The following SLC25A26 variants were observed in gnomAD, a reference collection of about 807,000 sequenced individuals.
The protein encoded by SLC25A26 is solute carrier family 25 member 26.
SLC25A26 carries 36 observed loss-of-function variants against 37.8 expected under a neutral mutation model. The observed-to-expected ratio is 0.95, with a 90% confidence interval of 0.73 to 1.26. The LOEUF (loss-of-function observed/expected upper bound fraction) is 1.26. Ranked by LOEUF, SLC25A26 falls within the 50% of genes most tolerant of loss-of-function variation. The pLI is 0.00. For synonymous variants in SLC25A26, 129 were observed against 122.5 expected, an observed-to-expected ratio of 1.05 and a Z score of -0.35; for missense variants, 390 against 331.1, an observed-to-expected ratio of 1.18 and a Z score of -1.38.
At chr3:66,165,834 G>A (rs570899244) in intron 1 of SLC25A26, among the ~76,000 whole-genome samples, 1 of 152,118 alleles carries the variant, frequency 6.6e-6, no homozygotes, top group African/African-American at 2.4e-5. Flanking sequence ...TTAGACAGGA[G>A]TCCAGGTGTC....
chr3:66,134,463 C>A (rs1330346015), intron 1 of SLC25A26, among the ~76,000 whole-genome samples: 1 of 152,154 alleles, frequency 6.6e-6, no homozygotes, highest in Non-Finnish European at 1.5e-5. Context: ...TAAGAACCAG[C>A]CAATCTGGGG....
chr3:66,366,845 G>C (rs1221568003), intron 7 of SLC25A26, among the ~76,000 whole-genome samples: 1 of 152,218 alleles, frequency 6.6e-6, no homozygotes, highest in South Asian at 2.1e-4. Flanking sequence ...ACATGTGACA[G>C]TCCCAGGTCC....
At chr3:66,245,276 C>T (rs996016709) in intron 3 of SLC25A26, among the ~76,000 whole-genome samples, 2 of 149,514 alleles carry the variant, frequency 1.3e-5, no homozygotes, top group Non-Finnish European at 3.0e-5. Context: ...AACAAAACCT[C>T]AAAACTAATG....
intron 5 of SLC25A26, among the ~76,000 whole-genome samples, chr3:66,282,411 G>C (rs1349173877): frequency 6.6e-6 from 1 of 152,116 alleles, no homozygotes; most frequent in Non-Finnish European, 1.5e-5. Context: ...CTCCCAAAGT[G>C]CTGAGATTAC....
intron 6 of SLC25A26, among the ~76,000 whole-genome samples, chr3:66,351,896 A>G (rs562792381): frequency 6.6e-6 from 1 of 152,046 alleles, no homozygotes; most frequent in South Asian, 2.1e-4. Flanking sequence ...GGTCTCCCTC[A>G]TTTCACTCAG....
intron 5 of SLC25A26, among the ~76,000 whole-genome samples, chr3:66,285,320 A>T (rs1393420130): frequency 6.6e-6 from 1 of 151,424 alleles, no homozygotes; most frequent in East Asian, 2.0e-4. Flanking sequence ...AAGTAAGGGG[A>T]TTTTTGCTAT....
At chr3:66,182,363 G>C (rs1165299907) in intron 1 of SLC25A26, among the ~76,000 whole-genome samples, 2 of 152,146 alleles carry the variant, frequency 1.3e-5, no homozygotes, top group Non-Finnish European at 2.9e-5. Context: ...AATTAAAGCT[G>C]TCCAGAACCT....
intron 3 of SLC25A26, among the ~76,000 whole-genome samples, chr3:66,254,484 G>C (rs918654394): frequency 6.6e-6 from 1 of 152,198 alleles, no homozygotes; most frequent in Non-Finnish European, 1.5e-5. Flanking sequence ...AGCAGCTTTT[G>C]CTTTGAATAC....
chr3:66,325,454 C>T (rs1299281273), intron 5 of SLC25A26, among the ~76,000 whole-genome samples: 1 of 152,158 alleles, frequency 6.6e-6, no homozygotes, highest in Non-Finnish European at 1.5e-5. Flanking sequence ...TTGCCTAGTT[C>T]ACAGTCTGGT....
At chr3:66,310,706 G>A (rs1327106979) in intron 5 of SLC25A26, among the ~76,000 whole-genome samples, 3 of 152,140 alleles carry the variant, frequency 2.0e-5, no homozygotes, top group Non-Finnish European at 4.4e-5. Flanking sequence ...AAATCTCTTA[G>A]CATTTGCTTG....
At chr3:66,333,965 G>A (rs1416609326) in intron 5 of SLC25A26, among the ~76,000 whole-genome samples, 2 of 152,166 alleles carry the variant, frequency 1.3e-5, no homozygotes. Context: ...ATTGAAAATG[G>A]TAATGGAGGT....
chr3:66,135,923 C>T (rs553837671), intron 1 of SLC25A26, among the ~76,000 whole-genome samples: 1 of 152,272 alleles, frequency 6.6e-6, no homozygotes, highest in South Asian at 2.1e-4. Flanking sequence ...TTAGAGACCA[C>T]GTAATCCTAC....
Position 66,363,082 on chromosome 3 carries a change from GA to G in SLC25A26, c.568+168del, listed in dbSNP as rs75455775. ...TGAGAAAAGAACGTGTCTTAGAGGG[GA>G]AAAAAAAAAAAAAACTGCTAAAAAG... On this transcript the variant is annotated intron_variant, in intron 7 of 9. Coordinates refer to ENST00000354883, the MANE Select transcript of SLC25A26 (RefSeq NM_001379210.1). 2,530 of 127,952 alleles carry G rather than the reference GA, an allele frequency of 0.02. 58 individuals are homozygous for G. Among genetic ancestry groups the G allele is most frequent in the African/African-American group, 0.061 (2,067 of 33,840 alleles). 7.9% of individuals were successfully genotyped at this position (127,952 alleles called of 1,614,324 possible).
At position 66,209,040 on chromosome 3, in the gene SLC25A26, G is replaced by GTATGTATATATA. The variant is rs1325838750; in HGVS notation, c.-353-11699_-353-11698insGTATATATATAT. The stretch of plus-strand genomic sequence containing the variant: ...TATATATACACACCCATATAAAGGT[G>GTATGTATATATA]TATATATATATATATATATATATAT... On this transcript the variant is annotated intron_variant, in intron 1 of 10. Transcript: ENST00000676754. Among the ~76,000 whole-genome samples the GTATGTATATATA allele has an allele frequency of 2.8e-3, 93 of 33,458 alleles. 7 individuals carry two copies. Among genetic ancestry groups the GTATGTATATATA allele is most frequent in the South Asian group, 7.1e-3 (5 of 702 alleles). The allele number at this position is 33,458 out of a possible 152,430, so 21.9% of individuals were successfully genotyped here.
At chr3:66,319,785 C>A (rs1167961849) in intron 5 of SLC25A26, among the ~76,000 whole-genome samples, 1 of 109,460 alleles carries the variant, frequency 9.1e-6, no homozygotes. Context: ...TGAAGTTTCA[C>A]TCTTGTTGCC....
intron 5 of SLC25A26, among the ~76,000 whole-genome samples, chr3:66,307,921 A>G (rs1329673634): frequency 1.3e-5 from 2 of 152,110 alleles, no homozygotes; most frequent in Non-Finnish European, 2.9e-5. Context: ...GTATAGTTTG[A>G]AGTCAGGTAG....
At chr3:66,360,834 A>G (rs2076689699) in intron 6 of SLC25A26, among the ~76,000 whole-genome samples, 1 of 152,234 alleles carries the variant, frequency 6.6e-6, no homozygotes, top group African/African-American at 2.4e-5. Flanking sequence ...TCTCTCCAAA[A>G]TAATCCATGG....
intron 5 of SLC25A26, among the ~76,000 whole-genome samples, chr3:66,276,800 T>C (rs1197520120): frequency 6.6e-6 from 1 of 151,992 alleles, no homozygotes; most frequent in African/African-American, 2.4e-5. Flanking sequence ...ATTTTTTTTT[T>C]TCCCTTTTTG....
chr3:66,369,037 AAAAAAACAAAAAC>A (rs1232778603), intron 7 of SLC25A26, among the ~76,000 whole-genome samples: 1 of 23,078 alleles, frequency 4.3e-5, no homozygotes, highest in African/African-American at 3.2e-4. Flanking sequence ...AAAAAAAAAA[AAAAAAACAAAAAC>A]AAAAAAAAAA....
Sources: allele counts gnomAD v4.1 joint callset (sites outside exome capture counted in the v4.1 genomes callset), GRCh38; gene constraint gnomAD v4.1.1; transcripts MANE v1.5; gene names NCBI Gene and HGNC (gene_info 2026-07-23, HGNC 2026-07-21).